The following LRRC57 variants were observed in gnomAD, a reference collection of about 807,000 sequenced individuals.
LRRC57 encodes leucine rich repeat containing 57.
LRRC57 carries 14 observed loss-of-function variants against 23.1 expected under a neutral mutation model. The observed-to-expected ratio is 0.61, with a 90% CI of 0.40 to 0.95. The LOEUF is 0.95. Ranked by LOEUF, LRRC57 falls within the 40% of genes least tolerant of loss-of-function variation. The probability of loss-of-function intolerance (pLI) is 0.00; values close to 1 mark genes in which losing one functional copy is unlikely to be tolerated. For synonymous variants in LRRC57, 106 were observed against 115.2 expected (o/e 0.92, Z 0.51); for missense variants, 236 against 284.4 (o/e 0.83, Z 1.22).
At chr15:42,529,684 T>C in the LRRC57 span, 3 of 1,613,542 alleles carry the variant, frequency 1.9e-6, no homozygotes, top group Admixed American at 3.3e-5. Context: ...GCATAACTAA[T>C]GATGCCAGAG....
the LRRC57 span, chr15:42,531,328 G>T: frequency 3.8e-6 from 3 of 798,636 alleles, no homozygotes; most frequent in South Asian, 2.8e-5. Context: ...GATTTTCTTG[G>T]TGTGTCAGTT....
chr15:42,532,817 T>C, the LRRC57 span: 1 of 152,634 alleles, frequency 6.6e-6, no homozygotes, highest in African/African-American at 2.4e-5. Context: ...AACTAAAAAT[T>C]ATTTGAAAAA....
rs1224353982 is a variant in LRRC57, at chr15:42,548,768, C to T, written c.-98G>A. On this transcript the variant is annotated 5_prime_UTR_variant, in exon 1 of 6. Coordinates refer to ENST00000397130, the MANE Select transcript of LRRC57 (RefSeq NM_153260.3). The stretch of plus-strand genomic sequence containing the variant: ...GCAGTAGCCGGGATGCGCTCCCCGG[C>T]TTAGTCCCGGGCGGGAACGCCCTGT... 5 of 821,270 alleles carry T rather than the reference C, an allele frequency of 6.1e-6. No homozygotes were observed. The highest frequency in any genetic ancestry group is 9.6e-6 in the Non-Finnish European group (5 of 521,490). 50.9% of individuals were successfully genotyped at this position (821,270 alleles called of 1,614,324 possible).
chr15:42,536,160 T>A (rs946022007), downstream of LRRC57, among the ~76,000 whole-genome samples: 3 of 107,268 alleles, frequency 2.8e-5, no homozygotes, highest in Admixed American at 8.8e-5. Flanking sequence ...CAGATCACCA[T>A]AACATATCAT....
chr15:42,534,513 G>T (rs2057590490), downstream of LRRC57, among the ~76,000 whole-genome samples: 1 of 152,164 alleles, frequency 6.6e-6, no homozygotes, highest in African/African-American at 2.4e-5. Flanking sequence ...TTGGTATCTT[G>T]ACCTCCTTTC....
intron 5 of LRRC57, among the ~76,000 whole-genome samples, chr15:42,544,521 T>A (rs73404791): frequency 0.091 from 13,355 of 146,942 alleles, 640 homozygotes; most frequent in South Asian, 0.16. Context: ...CCAAAAAAAA[T>A]AAATAAATAA....
At chr15:42,532,069 G>A in the LRRC57 span, 2 of 152,128 alleles carry the variant, frequency 1.3e-5, no homozygotes, top group East Asian at 3.9e-4. Flanking sequence ...CTGCTCCAAA[G>A]AGAAAAATAG....
At chr15:42,529,214 A>G in the LRRC57 span, among the ~76,000 whole-genome samples, 1 of 152,202 alleles carries the variant, frequency 6.6e-6, no homozygotes, top group African/African-American at 2.4e-5. Context: ...ACAAAATCAT[A>G]TGGTGGCCAG....
At chr15:42,536,802 C>A (rs2057602555), downstream of LRRC57, among the ~76,000 whole-genome samples, 1 of 152,128 alleles carries the variant, frequency 6.6e-6, no homozygotes, top group South Asian at 2.1e-4. Context: ...AATTTTGGTT[C>A]ATTCATTTAC....
At chr15:42,544,554 G>A (rs2057646829) in intron 5 of LRRC57, among the ~76,000 whole-genome samples, 1 of 151,538 alleles carries the variant, frequency 6.6e-6, no homozygotes, top group Non-Finnish European at 1.5e-5. Flanking sequence ...CGGGTGTGGT[G>A]GCTTACACCT....
the LRRC57 span, among the ~76,000 whole-genome samples, chr15:42,530,361 T>G: frequency 6.6e-6 from 1 of 152,230 alleles, no homozygotes. Context: ...AATAGAGTCA[T>G]GTGAGTGAAA....
the LRRC57 span, chr15:42,532,464 T>C: frequency 6.6e-6 from 1 of 152,312 alleles, no homozygotes; most frequent in Admixed American, 6.5e-5. Context: ...CATTTCTTAT[T>C]GCACCATTCA....
rs2057640758 is a variant in LRRC57 at position 42,543,339 on chromosome 15, A to G, written c.*744T>C. 1 of 152,228 alleles carries G rather than the reference A, an allele frequency of 6.6e-6. No homozygotes were observed. Among genetic ancestry groups the G allele is most frequent in the Non-Finnish European group, 1.5e-5 (1 of 68,158 alleles). 9.4% of individuals were successfully genotyped at this position (152,228 alleles called of 1,614,324 possible). A position where few individuals can be genotyped will look rare whatever the true frequency, so the allele number is the denominator to read the frequency against. On this transcript the variant is annotated 3_prime_UTR_variant, in exon 6 of 6. Transcript: ENST00000397130. The stretch of plus-strand genomic sequence containing the variant: ...CTCAGCCTCCCAAGTAGCTGGGATT[A>G]TAAGCATGCACCAACACACCCAGCT...
Position 42,543,960 on chromosome 15 carries a change from C to A in LRRC57, c.*123G>T, listed in dbSNP as rs931356105. 7 of 629,426 alleles carry A rather than the reference C, an allele frequency of 1.1e-5. No individual in the cohort carries two copies. The highest frequency in any genetic ancestry group is 9.6e-5 in the Admixed American group (4 of 41,618). The allele number at this position is 629,426 out of a possible 1,614,324, so 39.0% of individuals were successfully genotyped here. A position where few individuals can be genotyped will look rare whatever the true frequency, so the allele number is the denominator to read the frequency against. On this transcript the variant is annotated 3_prime_UTR_variant, in exon 6 of 6. Transcript: ENST00000397130. ...AAAAGATCATTGAGTGAAATATAAT[C>A]TCCTGAAGTATCATCTCCTTACTGT... is the stretch of plus-strand genomic sequence containing the variant.
intron 5 of LRRC57, among the ~76,000 whole-genome samples, 171 bp downstream of exon 5, chr15:42,544,906 T>G (rs1454758076): frequency 6.7e-6 from 1 of 148,866 alleles, no homozygotes; most frequent in Non-Finnish European, 1.5e-5. Flanking sequence ...AAGCTGTCTA[T>G]AGAGAAAAAG....
intron 5 of LRRC57, among the ~76,000 whole-genome samples, chr15:42,544,841 A>ATATATATATATATATATATATATATAT (rs767685010): frequency 2.8e-5 from 3 of 106,600 alleles, no homozygotes; most frequent in African/African-American, 1.5e-4. Context: ...ACACACACAC[A>ATATATATATATATATATATATATATAT]CTATATATAT....
At chr15:42,537,233 TCA>T (rs71108166), downstream of LRRC57, among the ~76,000 whole-genome samples, 8,366 of 136,406 alleles carry the variant, frequency 0.061, 327 homozygotes, top group Non-Finnish European at 0.092. Flanking sequence ...TCTCTCTCTC[TCA>T]CACACACACA....
rs2057653745 is a variant in LRRC57 at position 42,545,273 on chromosome 15, A to G, written c.493-11T>C. The G allele has an allele frequency of 6.5e-7, 1 of 1,546,578 alleles. No homozygotes were observed. Among genetic ancestry groups the G allele is most frequent in the African/African-American group, 1.4e-5 (1 of 71,220 alleles). ...TGAGATCTGAGATATCTATTGAAAAACCACAAAAGAATAACAGGAAAAAGC... is the reference window on the plus strand; with the variant it reads ...TGAGATCTGAGATATCTATTGAAAAGCCACAAAAGAATAACAGGAAAAAGC... On this transcript the variant is annotated splice_polypyrimidine_tract_variant and intron_variant, in intron 4 of 5. Coordinates refer to ENST00000397130, the MANE Select transcript of LRRC57 (RefSeq NM_153260.3).
At chr15:42,534,358 T>C (rs970840719), downstream of LRRC57, among the ~76,000 whole-genome samples, 1 of 152,092 alleles carries the variant, frequency 6.6e-6, no homozygotes, top group South Asian at 2.1e-4. Flanking sequence ...CTCGAACTCC[T>C]GACCTTGTGA....
Sources: gnomAD v4.1 joint callset for allele counts (sites outside exome capture counted in the v4.1 genomes callset) on GRCh38, gnomAD v4.1.1 for gene constraint, MANE v1.5 for transcripts, NCBI Gene and HGNC (gene_info 2026-07-23, HGNC 2026-07-21) for gene names.